Variants in FICD observed in about 807,000 individuals in gnomAD.
FICD encodes the protein FIC domain protein adenylyltransferase, also known as protein adenylyltransferase FICD.
In FICD, 13 loss-of-function variants were observed where a neutral mutation model predicts 28.0. The observed-to-expected ratio is 0.46, with a 90% CI of 0.30 to 0.74. The LOEUF (loss-of-function observed/expected upper bound fraction) is 0.74, where lower values mean the gene tolerates loss of function less well. Ranked by LOEUF, FICD falls within the 30% of genes least tolerant of loss-of-function variation. The pLI is 0.07. For missense variants in FICD, 576 were observed against 624.5 expected, an observed-to-expected ratio of 0.92 and a Z score of 0.83; for synonymous variants, 268 against 266.4, an observed-to-expected ratio of 1.01 and a Z score of -0.06.
Position 108,518,326 on chromosome 12 carries a change from C to G in FICD, c.302-74C>G. On this transcript the variant is annotated intron_variant, in intron 2 of 2. Coordinates refer to ENST00000552695, the MANE Select transcript of FICD (RefSeq NM_007076.3). The surrounding 1 kb of genome is among the most constrained non-coding windows in gnomAD (Gnocchi z 4.4). Reference sequence around the variant, plus strand: ...TCATGGTTTCCTGCGGAGACCAGCACAGGGGACAGCCCCCCGAATGTCCTC... The same window carrying G: ...TCATGGTTTCCTGCGGAGACCAGCAGAGGGGACAGCCCCCCGAATGTCCTC... The G allele has an allele frequency of 7.8e-7, 1 of 1,283,732 alleles. No homozygotes were observed. 79.5% of individuals were successfully genotyped at this position (1,283,732 alleles called of 1,614,324 possible). A position where few individuals can be genotyped will look rare whatever the true frequency, so the allele number is the denominator to read the frequency against.
In FICD at chr12:108,519,409, G is replaced by T; in HGVS notation, c.1311G>T (p.Ser437=). The change falls in exon 3 of 3, where the codon TCG becomes TCT. Residue 437 remains serine, a synonymous_variant. Coordinates refer to ENST00000552695, the MANE Select transcript of FICD (RefSeq NM_007076.3). This position sits in a 1 kb window ranked among gnomAD's most constrained non-coding sequence, Gnocchi z 4.5. ...DTLLFATTEY[S]VALPEAQPNH... is the part of the protein sequence containing the mutation. ...TGCTTTTTGCCACAACTGAGTACTC[G>T]GTGGCACTGCCAGAAGCCCAACCCA... 6.2e-7 allele frequency: 1 copy of T among 1,613,978 alleles called. No homozygotes were observed. The highest frequency in any genetic ancestry group is 1.1e-5 in the South Asian group (1 of 91,068).
chr12:108,519,718 T>C lies in FICD; in HGVS notation c.*243T>C. ...CTAGTCAGTATTGTATGGTGTCTGC[T>C]GTGTCTTGCTGGTGGCCGTGCTTTA... On this transcript the variant is annotated 3_prime_UTR_variant, in exon 3 of 3. Coordinates refer to ENST00000552695, the MANE Select transcript of FICD (RefSeq NM_007076.3). The surrounding 1 kb of genome is among the most constrained non-coding windows in gnomAD (Gnocchi z 4.5). The C allele has an allele frequency of 2.4e-6, 1 of 410,256 alleles. No homozygotes were observed. Among genetic ancestry groups the C allele is most frequent in the South Asian group, 4.4e-5 (1 of 22,706 alleles). 25.4% of individuals were successfully genotyped at this position (410,256 alleles called of 1,614,324 possible).
chr12:108,516,845 A>G (rs1871921879), intron 1 of FICD, 70 bp from the exon 2 acceptor site: 3 of 738,200 alleles, frequency 4.1e-6, no homozygotes, highest in East Asian at 5.7e-5. Flanking sequence ...CTCCAAACCC[A>G]TCTTCCCAGC....
chr12:108,517,443 A>C, intron 2 of FICD, 170 bp downstream of exon 2: 1 of 512,730 alleles, frequency 2.0e-6, no homozygotes. Context: ...GGTGATGGGG[A>C]AGCATAAAGG....
At position 108,518,892 on chromosome 12, in the gene FICD, T is replaced by C. The variant is rs545390876; in HGVS notation, c.794T>C (p.Ile265Thr). The change falls in exon 3 of 3, where the codon ATA becomes ACA. Residue 265 changes from isoleucine (I) to threonine (T), a missense_variant. Ile to Thr is a moderately conservative substitution (Grantham distance 89). Transcript: ENST00000552695. This position sits in a 1 kb window ranked among gnomAD's most constrained non-coding sequence, Gnocchi z 4.4. ...GKSLEEQNEV[I>T]GMHAAMKYIN... ...AGCCTGGAGGAGCAGAACGAGGTCATAGGCATGCATGCAGCCATGAAGTAC... is the reference window on the plus strand; with the variant it reads ...AGCCTGGAGGAGCAGAACGAGGTCACAGGCATGCATGCAGCCATGAAGTAC... 2.0e-5 allele frequency: 33 copies of C among 1,614,166 alleles called. No homozygotes were observed. In the East Asian group the frequency reaches 2.2e-4, roughly 11 times the overall value.
In FICD at chr12:108,517,113, G is replaced by A. The variant is rs1016465213; in HGVS notation, c.141G>A (p.Val47=). Residue 47 remains valine, a synonymous_variant, in exon 2 of 3, where the codon GTG becomes GTA. Transcript: ENST00000552695. ...CCCTGCTGCTGCCGCTGGGGGCTGT[G>A]GAGGAGCAGTGCTTGGCTGTGCTCA... ...LLALLLPLGA[V]EEQCLAVLKG... is the part of the protein sequence containing the mutation. 6.2e-7 allele frequency: 1 copy of A among 1,610,212 alleles called. No individual in the cohort carries two copies. Among genetic ancestry groups the A allele is most frequent in the African/African-American group, 1.3e-5 (1 of 74,896 alleles).
In FICD at chr12:108,518,479, G is replaced by A; in HGVS notation, c.381G>A (p.Lys127=). 1 of 1,614,194 alleles carries A rather than the reference G, an allele frequency of 6.2e-7. No individual in the cohort carries two copies. Among genetic ancestry groups the A allele is most frequent in the South Asian group, 1.1e-5 (1 of 91,082 alleles). Residue 127 remains lysine, a synonymous_variant, in exon 3 of 3, where the codon AAG becomes AAA. Transcript: ENST00000552695. This position sits in a 1 kb window ranked among gnomAD's most constrained non-coding sequence, Gnocchi z 4.4. ...AGGGCAAGCGGGAAAAAGCCCAAAA[G>A]CTCTTCATGCACGCCCTCAAGATGG... The part of the protein sequence containing the change: ...KRQGKREKAQ[K]LFMHALKMDP...
In FICD at chr12:108,518,795, A is replaced by G. The variant is rs781177626; in HGVS notation, c.697A>G (p.Ile233Val). The change falls in exon 3 of 3, where the codon ATC becomes GTC. Residue 233 changes from isoleucine to valine, a missense_variant. By Grantham distance (29) the Ile-to-Val change is conservative. Coordinates refer to ENST00000552695, the MANE Select transcript of FICD (RefSeq NM_007076.3). This position sits in a 1 kb window ranked among gnomAD's most constrained non-coding sequence, Gnocchi z 4.4. The part of the protein sequence containing the change: ...YYHHIYHTVA[I>V]EGNTLTLSEI... ...CCATCACATCTACCACACAGTGGCC[A>G]TCGAGGGCAACACCCTCACCCTCTC... is the stretch of plus-strand genomic sequence containing the variant. 6.2e-7 allele frequency: 1 copy of G among 1,614,098 alleles called. No individual in the cohort carries two copies. Among genetic ancestry groups the G allele is most frequent in the East Asian group, 2.2e-5 (1 of 44,896 alleles).
In FICD at chr12:108,518,390, T is replaced by A. The variant is rs1871975529; in HGVS notation, c.302-10T>A. ...CCCTCCCTCACAGCGCTTCTTTGGC[T>A]CTCTTCCAGCGGGTAAGTTGGAAGC... is the stretch of plus-strand genomic sequence containing the variant. On this transcript the variant is annotated splice_polypyrimidine_tract_variant and intron_variant, in intron 2 of 2. Transcript: ENST00000552695. This position sits in a 1 kb window ranked among gnomAD's most constrained non-coding sequence, Gnocchi z 4.4. The A allele has an allele frequency of 6.2e-7, 1 of 1,612,746 alleles. No homozygotes were observed. The highest frequency in any genetic ancestry group is 1.3e-5 in the African/African-American group (1 of 74,824).
chr12:108,516,317 G>A (rs1357779148), intron 1 of FICD, among the ~76,000 whole-genome samples: 1 of 152,246 alleles, frequency 6.6e-6, no homozygotes, highest in Non-Finnish European at 1.5e-5. Flanking sequence ...GGCAATAAAT[G>A]AGGCCACCCA....
chr12:108,516,358 G>A (rs1235465570), intron 1 of FICD, among the ~76,000 whole-genome samples: 3 of 152,228 alleles, frequency 2.0e-5, no homozygotes, highest in African/African-American at 4.8e-5. Flanking sequence ...TTGGGCGTCA[G>A]AACTGCTGTG....
rs761396311 is a variant in FICD, at chr12:108,519,396, C to A, written c.1298C>A (p.Thr433Lys). The stretch of plus-strand genomic sequence containing the variant: ...ACCCTGGACACCCTGCTTTTTGCCA[C>A]AACTGAGTACTCGGTGGCACTGCCA... ...ETTLDTLLFA[T>K]TEYSVALPEA... The change falls in exon 3 of 3, where the codon ACA becomes AAA. Residue 433 changes from threonine (T) to lysine (K), a missense_variant. Thr to Lys is a moderately conservative substitution (Grantham distance 78, BLOSUM62 -1). Transcript: ENST00000552695. The surrounding 1 kb of genome is among the most constrained non-coding windows in gnomAD (Gnocchi z 4.5). 1.2e-6 allele frequency: 2 copies of A among 1,614,122 alleles called. No homozygotes were observed. The highest frequency in any genetic ancestry group is 1.7e-6 in the Non-Finnish European group (2 of 1,180,032).
rs1473108890 is a variant in FICD, at chr12:108,517,407, T to C, written c.301+134T>C. 1.1e-5 allele frequency: 7 copies of C among 659,184 alleles called. No individual in the cohort carries two copies. In the South Asian group the frequency reaches 2.5e-4, roughly 23 times the overall value. The allele number at this position is 659,184 out of a possible 1,614,324, so 40.8% of individuals were successfully genotyped here. ...TGAGCTCCTAGTATAGACAAGGTGATGTGACTGAGACAGTGTCACAAGTGT... is the reference window on the plus strand; with the variant it reads ...TGAGCTCCTAGTATAGACAAGGTGACGTGACTGAGACAGTGTCACAAGTGT... On this transcript the variant is annotated intron_variant, in intron 2 of 2. Transcript: ENST00000552695.
In FICD at chr12:108,516,978, G is replaced by A; in HGVS notation, c.6G>A (p.Met2Ile). 6.7e-7 allele frequency: 1 copy of A among 1,503,210 alleles called. No individual in the cohort carries two copies. Among genetic ancestry groups the A allele is most frequent in the Non-Finnish European group, 8.9e-7 (1 of 1,117,900 alleles). The allele number at this position is 1,503,210 out of a possible 1,614,324, so 93.1% of individuals were successfully genotyped here. A position where few individuals can be genotyped will look rare whatever the true frequency, so the allele number is the denominator to read the frequency against. Residue 2 changes from methionine (M) to isoleucine (I), a missense_variant, in exon 2 of 3, where the codon ATG becomes ATA. Met to Ile is a conservative substitution (Grantham distance 10, BLOSUM62 1). Transcript: ENST00000552695. ...GGGCCCTCTCCTGAGTCCAGATGAT[G>A]CTCATACCAATGGCTTCAGTGATGG... M[M>I]LIPMASVMAV...
Position 108,518,146 on chromosome 12 carries a change from G to C in FICD, c.302-254G>C, listed in dbSNP as rs1018265665. On this transcript the variant is annotated intron_variant, in intron 2 of 2. Transcript: ENST00000552695. The surrounding 1 kb of genome is among the most constrained non-coding windows in gnomAD (Gnocchi z 4.4). The stretch of plus-strand genomic sequence containing the variant: ...AAGCAGGAGGCTAGGAAGCCAAGGA[G>C]GTGCCTCCCAGAATACAAGAGAGTG... The C allele has an allele frequency of 1.4e-6, 1 of 702,414 alleles. No individual in the cohort carries two copies. The highest frequency in any genetic ancestry group is 2.6e-6 in the Non-Finnish European group (1 of 384,858). 43.5% of individuals were successfully genotyped at this position (702,414 alleles called of 1,614,324 possible). A position where few individuals can be genotyped will look rare whatever the true frequency, so the allele number is the denominator to read the frequency against.
At position 108,516,921 on chromosome 12, in the gene FICD, C is replaced by G; in HGVS notation, c.-52C>G. ...GACTCTTGGCTCCTTGCAGATCCTGCTCTCTCTCAGCCGCCTGTGGACATG... is the reference window on the plus strand; with the variant it reads ...GACTCTTGGCTCCTTGCAGATCCTGGTCTCTCTCAGCCGCCTGTGGACATG... On this transcript the variant is annotated 5_prime_UTR_variant, in exon 2 of 3. Coordinates refer to ENST00000552695, the MANE Select transcript of FICD (RefSeq NM_007076.3). 1 of 1,407,126 alleles carries G rather than the reference C, an allele frequency of 7.1e-7. No individual in the cohort carries two copies. Among genetic ancestry groups the G allele is most frequent in the Non-Finnish European group, 9.5e-7 (1 of 1,057,482 alleles). The allele number at this position is 1,407,126 out of a possible 1,614,324, so 87.2% of individuals were successfully genotyped here.
rs1483804347 is a variant in FICD, at chr12:108,517,073, T to C, written c.101T>C (p.Leu34Pro). Residue 34 changes from leucine (L) to proline (P), a missense_variant, in exon 2 of 3, where the codon CTG (leucine) becomes CCG (proline). Transcript: ENST00000552695. ...TGGGTGACGCTGCTGAGCATGGTGC[T>C]GGGGTCCCTGCTGGCCCTGCTGCTG... ...FLWVTLLSMVLGSLLALLLPL... is the reference protein window; with the variant it reads ...FLWVTLLSMVPGSLLALLLPL... The C allele has an allele frequency of 1.2e-6, 2 of 1,609,558 alleles. No individual in the cohort carries two copies. The highest frequency in any genetic ancestry group is 2.2e-5 in the South Asian group (2 of 90,346).
rs1390431849 is a variant in FICD, at chr12:108,518,242, T to C, written c.302-158T>C. 5 of 714,836 alleles carry C rather than the reference T, an allele frequency of 7.0e-6. No homozygotes were observed. The highest frequency in any genetic ancestry group is 5.2e-5 in the African/African-American group (3 of 57,430). 44.3% of individuals were successfully genotyped at this position (714,836 alleles called of 1,614,324 possible). A position where few individuals can be genotyped will look rare whatever the true frequency, so the allele number is the denominator to read the frequency against. On this transcript the variant is annotated intron_variant, in intron 2 of 2. Coordinates refer to ENST00000552695, the MANE Select transcript of FICD (RefSeq NM_007076.3). The surrounding 1 kb of genome is among the most constrained non-coding windows in gnomAD (Gnocchi z 4.4). ...GGGCAACAGAGTGGTACCGGGCATG[T>C]TGAGTACACACGATGCGGCTGCAAC...
In FICD at chr12:108,519,393, C is replaced by G. The variant is rs1337657447; in HGVS notation, c.1295C>G (p.Ala432Gly). The G allele has an allele frequency of 3.1e-6, 5 of 1,614,056 alleles. No homozygotes were observed. The East Asian group carries it at 8.9e-5, about 29-fold the overall frequency. ...ACCACCCTGGACACCCTGCTTTTTG[C>G]CACAACTGAGTACTCGGTGGCACTG... ...TETTLDTLLFATTEYSVALPE... is the reference protein window; with the variant it reads ...TETTLDTLLFGTTEYSVALPE... Residue 432 changes from alanine (A) to glycine (G), a missense_variant, in exon 3 of 3, where the codon GCC (alanine) becomes GGC (glycine). Ala to Gly is a moderately conservative substitution (Grantham distance 60). Transcript: ENST00000552695. This position sits in a 1 kb window ranked among gnomAD's most constrained non-coding sequence, Gnocchi z 4.5.
Sources: gnomAD v4.1 joint callset for allele counts (sites outside exome capture counted in the v4.1 genomes callset) on GRCh38, gnomAD v4.1.1 for gene constraint, Gnocchi (gnomAD v3.1) non-coding constraint, MANE v1.5 for transcripts, NCBI Gene and HGNC (gene_info 2026-07-23, HGNC 2026-07-21) for gene names.